Variants in SPMAP2 observed in about 807,000 individuals in gnomAD.
The protein encoded by SPMAP2 is sperm microtubule associated protein 2, also known as Theg homolog.
At chr19:363,347 C>T in the SPMAP2 span, among the ~76,000 whole-genome samples, 1 of 152,000 alleles carries the variant, frequency 6.6e-6, no homozygotes, top group African/African-American at 2.4e-5. Flanking sequence ...CGTGCACCAC[C>T]ACAGCCAGCT....
the SPMAP2 span, chr19:374,012 C>G: frequency 6.2e-7 from 1 of 1,613,256 alleles, no homozygotes; most frequent in Non-Finnish European, 8.5e-7. Context: ...GCGTCCCTTC[C>G]TGCGAGGAGA....
the SPMAP2 span, among the ~76,000 whole-genome samples, chr19:369,231 C>T: frequency 1.5e-4 from 23 of 152,164 alleles, no homozygotes; most frequent in Non-Finnish European, 2.5e-4. Flanking sequence ...GTTAATGCCA[C>T]GCGAGAAACG....
the SPMAP2 span, chr19:375,817 T>C: frequency 1.2e-6 from 2 of 1,608,304 alleles, no homozygotes; most frequent in Non-Finnish European, 1.7e-6. Context: ...AGCTCTGCAT[T>C]GTCCAGGTCC....
the SPMAP2 span, among the ~76,000 whole-genome samples, chr19:372,348 C>G: frequency 0.26 from 39,449 of 152,268 alleles, 6,233 homozygotes; most frequent in South Asian, 0.43. Flanking sequence ...CATCTGAGCA[C>G]GCACTGTGTC....
the SPMAP2 span, among the ~76,000 whole-genome samples, chr19:369,440 C>T: frequency 6.6e-6 from 1 of 151,586 alleles, no homozygotes; most frequent in Non-Finnish European, 1.5e-5. Context: ...CGGGGCACAC[C>T]AGAGCTCACT....
the SPMAP2 span, chr19:371,266 C>A: frequency 6.6e-7 from 1 of 1,519,596 alleles, no homozygotes; most frequent in Non-Finnish European, 8.9e-7. Flanking sequence ...TTCCTTCAGG[C>A]GACTCGACGC....
At chr19:375,824 G>C in the SPMAP2 span, 2 of 1,607,070 alleles carry the variant, frequency 1.2e-6, no homozygotes, top group Non-Finnish European at 1.7e-6. Flanking sequence ...CATTGTCCAG[G>C]TCCTGGCGTT....
chr19:372,481 T>G, the SPMAP2 span: 2 of 713,762 alleles, frequency 2.8e-6, no homozygotes, highest in Non-Finnish European at 4.7e-6. Flanking sequence ...GCTGGGGATG[T>G]GGGCTGGGAA....
the SPMAP2 span, among the ~76,000 whole-genome samples, chr19:366,099 C>T: frequency 6.6e-6 from 1 of 151,862 alleles, no homozygotes; most frequent in African/African-American, 2.4e-5. Flanking sequence ...GAGATCGCGC[C>T]ACTGCACTCC....
chr19:364,130 G>A, the SPMAP2 span, among the ~76,000 whole-genome samples: 17 of 150,594 alleles, frequency 1.1e-4, no homozygotes, highest in East Asian at 4.0e-4. Context: ...TCAGGAGATC[G>A]AGACCATCCT....
the SPMAP2 span, chr19:375,564 G>A: frequency 1.7e-4 from 217 of 1,280,992 alleles, no homozygotes; most frequent in East Asian, 1.6e-3. Context: ...GGCCGGTTAC[G>A]ACCCTTTCGC....
chr19:371,320 G>A, the SPMAP2 span: 26 of 1,457,120 alleles, frequency 1.8e-5, no homozygotes, highest in East Asian at 5.2e-5. Flanking sequence ...GACAGGAGTC[G>A]TCCTGGGGGA....
chr19:364,123 G>A, the SPMAP2 span, among the ~76,000 whole-genome samples: 2 of 150,770 alleles, frequency 1.3e-5, no homozygotes, highest in African/African-American at 4.9e-5. Context: ...CACAAGGTCA[G>A]GAGATCGAGA....
chr19:372,836 A>T, the SPMAP2 span: 140 of 780,856 alleles, frequency 1.8e-4, no homozygotes, highest in Non-Finnish European at 2.5e-4. Flanking sequence ...GGCAGAGACA[A>T]CTGGGGGCCA....
chr19:361,907 G>A, the SPMAP2 span: 5,592 of 180,466 alleles, frequency 0.031, 565 homozygotes, highest in African/African-American at 0.11. Context: ...CAGGAGCGTC[G>A]GCTGGTTTGA....
chr19:366,175 G>A, the SPMAP2 span, among the ~76,000 whole-genome samples: 64 of 152,144 alleles, frequency 4.2e-4, no homozygotes, highest in Non-Finnish European at 6.5e-4. Flanking sequence ...ATGAGTGGGT[G>A]GAAGCCTCAA....
the SPMAP2 span, chr19:361,995 G>T: frequency 2.4e-6 from 1 of 412,932 alleles, no homozygotes; most frequent in East Asian, 3.7e-5. Flanking sequence ...AAGAGATTCA[G>T]AAGGCGCTCG....
the SPMAP2 span, among the ~76,000 whole-genome samples, chr19:364,006 G>C: frequency 1.3e-5 from 2 of 152,000 alleles, no homozygotes; most frequent in African/African-American, 4.8e-5. Flanking sequence ...ATCGAGCTAC[G>C]AAACCTACAC....
chr19:367,866 AT>A, the SPMAP2 span, among the ~76,000 whole-genome samples: 1,331 of 151,958 alleles, frequency 8.8e-3, 15 homozygotes, highest in African/African-American at 0.03. Flanking sequence ...CAATTAGACC[AT>A]TTTTTTTCTC....
Sources: allele counts gnomAD v4.1 joint callset (sites outside exome capture counted in the v4.1 genomes callset), GRCh38; gene constraint gnomAD v4.1.1; transcripts MANE v1.5; gene names NCBI Gene and HGNC (gene_info 2026-07-23, HGNC 2026-07-21).